Variants in VSNL1 observed in about 807,000 individuals in gnomAD.
The protein encoded by VSNL1 is visinin-like protein 1.
A neutral mutation model predicts 20.4 loss-of-function variants in VSNL1; 6 were observed. The observed-to-expected ratio is 0.29, with a 90% CI of 0.16 to 0.58. The LOEUF is 0.58. Among genes scored for constraint, VSNL1 ranks in the 20% least tolerant of loss-of-function variants. The probability of loss-of-function intolerance (pLI) is 0.90; values close to 1 mark genes in which losing one functional copy is unlikely to be tolerated. For synonymous variants in VSNL1, 93 were observed against 86.4 expected (o/e 1.08, Z -0.42); for missense variants, 100 against 234.5 (o/e 0.43, Z 3.75).
At chr2:17,551,128 C>G (rs1289044049) in intron 1 of VSNL1, among the ~76,000 whole-genome samples, 1 of 152,118 alleles carries the variant, frequency 6.6e-6, no homozygotes, top group Non-Finnish European at 1.5e-5. Flanking sequence ...AGGATAATGG[C>G]AAAGCATTTG....
At position 17,656,235 on chromosome 2, in the gene VSNL1, A is replaced by C. The variant is rs1169532461; in HGVS notation, c.*841A>C. On this transcript the variant is annotated 3_prime_UTR_variant, in exon 4 of 4. Coordinates refer to ENST00000295156, the MANE Select transcript of VSNL1 (RefSeq NM_003385.5). The stretch of plus-strand genomic sequence containing the variant: ...TTTTAAAATTGCAGCAGTTGCTAGC[A>C]ACAACTTACTAAATCTACTCTTAAA... 6.6e-6 allele frequency: 1 copy of C among 152,214 alleles called. No individual in the cohort carries two copies. The highest frequency in any genetic ancestry group is 2.4e-5 in the African/African-American group (1 of 41,456). The allele number at this position is 152,214 out of a possible 1,614,324, so 9.4% of individuals were successfully genotyped here. A position where few individuals can be genotyped will look rare whatever the true frequency, so the allele number is the denominator to read the frequency against.
At chr2:17,574,708 G>C (rs927286206) in intron 1 of VSNL1, among the ~76,000 whole-genome samples, 1 of 152,122 alleles carries the variant, frequency 6.6e-6, no homozygotes, top group Non-Finnish European at 1.5e-5. Flanking sequence ...TCTTTGGGTT[G>C]GATGTGGAAA....
intron 2 of VSNL1, among the ~76,000 whole-genome samples, chr2:17,595,337 C>T (rs747516789): frequency 6.6e-6 from 1 of 152,182 alleles, no homozygotes; most frequent in East Asian, 1.9e-4. Context: ...CCTGCCTGCC[C>T]TCCCGAATTT....
chr2:17,548,536 CTTATA>C (rs1302100518), intron 1 of VSNL1, among the ~76,000 whole-genome samples: 1 of 152,044 alleles, frequency 6.6e-6, no homozygotes, highest in East Asian at 1.9e-4. Context: ...ATGTAGTTAT[CTTATA>C]TGAATGTTGA....
chr2:17,635,887 T>C (rs1418320993), intron 2 of VSNL1, among the ~76,000 whole-genome samples: 1 of 152,156 alleles, frequency 6.6e-6, no homozygotes, highest in Admixed American at 6.5e-5. Context: ...CAAAGTGCCC[T>C]ACTCAAGGCC....
At chr2:17,639,166 A>C (rs1036753612) in intron 2 of VSNL1, among the ~76,000 whole-genome samples, 2 of 152,212 alleles carry the variant, frequency 1.3e-5, no homozygotes, top group African/African-American at 4.8e-5. Context: ...AACTCCTCAT[A>C]ACATCTCATG....
At chr2:17,583,971 C>G (rs993370880) in intron 1 of VSNL1, among the ~76,000 whole-genome samples, 1 of 152,148 alleles carries the variant, frequency 6.6e-6, no homozygotes, top group Non-Finnish European at 1.5e-5. Context: ...TTTTTGGACA[C>G]CTGCCTCATG....
rs1212604990 is a variant in VSNL1 at position 17,649,094 on chromosome 2, G to A, written c.163-316G>A. Among the ~76,000 whole-genome samples the A allele has an allele frequency of 6.6e-6, 1 of 152,138 alleles. No homozygotes were observed. The highest frequency in any genetic ancestry group is 1.9e-4 in the East Asian group (1 of 5,180). Reference sequence around the variant, plus strand: ...TGCTGTCTGCCTCAGTCCTGTTCCTGGGGGGAGTGAGCTGAGATGCTGCAA... The same window carrying A: ...TGCTGTCTGCCTCAGTCCTGTTCCTAGGGGGAGTGAGCTGAGATGCTGCAA... On this transcript the variant is annotated intron_variant, in intron 2 of 3. Coordinates refer to ENST00000295156, the MANE Select transcript of VSNL1 (RefSeq NM_003385.5). This position sits in a 1 kb window ranked among gnomAD's most constrained non-coding sequence, Gnocchi z 6.4.
intron 2 of VSNL1, among the ~76,000 whole-genome samples, chr2:17,624,472 C>A (rs1665458527): frequency 6.6e-6 from 1 of 152,156 alleles, no homozygotes; most frequent in South Asian, 2.1e-4. Flanking sequence ...GTAGATAGAA[C>A]TAAGGTTACT....
chr2:17,557,965 A>G (rs1374708272), intron 1 of VSNL1, among the ~76,000 whole-genome samples: 1 of 152,198 alleles, frequency 6.6e-6, no homozygotes, highest in Non-Finnish European at 1.5e-5. Flanking sequence ...CTACAAGTCC[A>G]TGAAAGAAGC....
chr2:17,632,781 GAA>G (rs1665666371), intron 2 of VSNL1, among the ~76,000 whole-genome samples: 2 of 152,174 alleles, frequency 1.3e-5, no homozygotes, highest in Admixed American at 1.3e-4. Context: ...GTTATACATT[GAA>G]TAAATCACCC....
intron 1 of VSNL1, among the ~76,000 whole-genome samples, chr2:17,549,710 T>C (rs1431334717): frequency 6.6e-6 from 1 of 152,228 alleles, no homozygotes; most frequent in Non-Finnish European, 1.5e-5. Context: ...ATATTCCCAG[T>C]GCTCATTTTC....
intron 1 of VSNL1, among the ~76,000 whole-genome samples, chr2:17,583,302 C>T (rs1423337885): frequency 1.3e-5 from 2 of 152,272 alleles, no homozygotes; most frequent in Admixed American, 6.5e-5. Flanking sequence ...TCCAGGTCTG[C>T]TCTTCTCTCT....
At chr2:17,638,306 A>G (rs571134474) in intron 2 of VSNL1, among the ~76,000 whole-genome samples, 61 of 152,340 alleles carry the variant, frequency 4.0e-4, no homozygotes, top group Non-Finnish European at 7.2e-4. Flanking sequence ...ACACAATTCA[A>G]TATGGGTAAT....
intron 2 of VSNL1, among the ~76,000 whole-genome samples, chr2:17,646,374 G>A (rs149181759): frequency 3.2e-3 from 487 of 152,266 alleles, no homozygotes; most frequent in Non-Finnish European, 3.8e-3. Context: ...TTATTTCCTC[G>A]GCTAACACTT....
intron 2 of VSNL1, among the ~76,000 whole-genome samples, chr2:17,648,449 GA>G (rs2103429135): frequency 6.6e-6 from 1 of 152,332 alleles, no homozygotes; most frequent in South Asian, 2.1e-4. Context: ...AAGGAAAAGG[GA>G]TATCAATGAG....
chr2:17,564,574 GT>G (rs146901638), intron 1 of VSNL1, among the ~76,000 whole-genome samples: 3 of 150,408 alleles, frequency 2.0e-5, no homozygotes, highest in South Asian at 4.2e-4. Flanking sequence ...TTCCAACTTT[GT>G]TTTTTTTTCT....
chr2:17,589,851 TAA>T (rs1012396093), intron 1 of VSNL1, among the ~76,000 whole-genome samples: 1 of 152,170 alleles, frequency 6.6e-6, no homozygotes, highest in African/African-American at 2.4e-5. Context: ...TTGGTAAATT[TAA>T]GTCTTTTCCA....
rs1553305558 is a variant in VSNL1 at position 17,656,031 on chromosome 2, T to C, written c.*637T>C. The C allele has an allele frequency of 6.6e-6, 1 of 152,664 alleles. No homozygotes were observed. Among genetic ancestry groups the C allele is most frequent in the Non-Finnish European group, 1.5e-5 (1 of 68,058 alleles). The allele number at this position is 152,664 out of a possible 1,614,324, so 9.5% of individuals were successfully genotyped here. A position where few individuals can be genotyped will look rare whatever the true frequency, so the allele number is the denominator to read the frequency against. ...AATGTAAAAACCCTGCTAAATGACT[T>C]ATTGATTAAGTATATCTATCTATAT... On this transcript the variant is annotated 3_prime_UTR_variant, in exon 4 of 4. Transcript: ENST00000295156.
Sources: allele counts gnomAD v4.1 joint callset (sites outside exome capture counted in the v4.1 genomes callset), GRCh38; gene constraint gnomAD v4.1.1; non-coding constraint Gnocchi (gnomAD v3.1); transcripts MANE v1.5; gene names NCBI Gene and HGNC (gene_info 2026-07-23, HGNC 2026-07-21).